Variants in CEP104 observed in about 807,000 individuals in gnomAD.
CEP104 encodes centrosomal protein of 104 kDa.
Under a neutral mutation model 113.3 loss-of-function variants are expected in CEP104, and 84 were observed. The observed-to-expected ratio is 0.74, with a 90% CI of 0.62 to 0.89. The LOEUF is 0.89. CEP104 is among the 40% of genes least tolerant of loss of function. CEP104 has a pLI of 0.00. For missense variants in CEP104, 1,053 were observed against 1,156.6 expected (o/e 0.91, Z 1.30); for synonymous variants, 378 against 421.7 (o/e 0.90, Z 1.27).
At chr1:3,848,091 A>G (rs1349832847) in intron 3 of CEP104, among the ~76,000 whole-genome samples, 1 of 152,106 alleles carries the variant, frequency 6.6e-6, no homozygotes, top group Non-Finnish European at 1.5e-5. Flanking sequence ...CACATCTGAA[A>G]AGTAGAGTTG....
intron 2 of CEP104, among the ~76,000 whole-genome samples, chr1:3,849,831 A>AC (rs1184141474): frequency 7.1e-6 from 1 of 140,874 alleles, no homozygotes; most frequent in Non-Finnish European, 1.6e-5. Context: ...AAAAATCTTT[A>AC]TTAAAAAAAA....
chr1:3,817,729 A>T (rs924378122), intron 20 of CEP104, among the ~76,000 whole-genome samples: 1 of 152,096 alleles, frequency 6.6e-6, no homozygotes, highest in African/African-American at 2.4e-5. Flanking sequence ...CCCAGCACAG[A>T]GGTGGCAGGT....
intron 15 of CEP104, among the ~76,000 whole-genome samples, chr1:3,828,076 A>G (rs1473775815): frequency 1.3e-5 from 2 of 151,968 alleles, no homozygotes; most frequent in Admixed American, 6.6e-5. Context: ...CAGGATGGAC[A>G]GTGCTGGGAA....
At chr1:3,830,090 T>A in intron 13 of CEP104, 93 bp from the exon 14 acceptor site, 1 of 916,474 alleles carries the variant, frequency 1.1e-6, no homozygotes, top group Non-Finnish European at 1.7e-6. Context: ...ATGTGAAAAA[T>A]AAAAGAGAAA....
At chr1:3,835,130 A>C (rs1249870405) in intron 10 of CEP104, 38 bp from the exon 11 acceptor site, 1 of 1,586,950 alleles carries the variant, frequency 6.3e-7, no homozygotes, top group Non-Finnish European at 8.6e-7. Context: ...GCATCACACA[A>C]CCATCCTCCA....
chr1:3,845,274 A>G lies in CEP104; in HGVS notation c.489+15T>C, dbSNP rs773758378. On this transcript the variant is annotated intron_variant, in intron 5 of 21. Transcript: ENST00000378230. ...TAGATTTACTTCCTTAGGAATTAAA[A>G]CTTTCCAAACTTACAGTATTGCTTT... The G allele has an allele frequency of 6.4e-6, 10 of 1,563,246 alleles. No homozygotes were observed. Among genetic ancestry groups the G allele is most frequent in the Non-Finnish European group, 8.7e-6 (10 of 1,143,776 alleles).
chr1:3,843,135 C>T, intron 6 of CEP104: 1 of 653,562 alleles, frequency 1.5e-6, no homozygotes, highest in Non-Finnish European at 2.8e-6. Context: ...GCAACTATGG[C>T]AGCCCTTCCC....
At chr1:3,834,809 G>C in intron 11 of CEP104, 116 bp downstream of exon 11, 2 of 871,054 alleles carry the variant, frequency 2.3e-6, no homozygotes, top group East Asian at 2.7e-5. Flanking sequence ...TTGAGTTACA[G>C]TTGGTGACCA....
chr1:3,823,238 G>T lies in CEP104; in HGVS notation c.2507C>A (p.Ala836Asp). 6.2e-7 allele frequency: 1 copy of T among 1,614,136 alleles called. No individual in the cohort carries two copies. Among genetic ancestry groups the T allele is most frequent in the Non-Finnish European group, 8.5e-7 (1 of 1,179,988 alleles). The change falls in exon 20 of 22, where the codon GCC (alanine) becomes GAC (aspartate). Residue 836 changes from alanine to aspartate, a missense_variant. By Grantham distance (126) the Ala-to-Asp change is moderately radical. Coordinates refer to ENST00000378230, the MANE Select transcript of CEP104 (RefSeq NM_014704.4). This position sits in a 1 kb window ranked among gnomAD's most constrained non-coding sequence, Gnocchi z 4.1. Reference protein sequence around the residue: ...RHIKHKDCNPAKPEKLANRCP... With the variant: ...RHIKHKDCNPDKPEKLANRCP... ...CCGGTTTGCCAGCTTCTCCGGTTTG[G>T]CAGCTGAAATGATTTTAAAAAGACT...
At chr1:3,834,302 C>G (rs944024660) in intron 11 of CEP104, among the ~76,000 whole-genome samples, 1 of 151,444 alleles carries the variant, frequency 6.6e-6, no homozygotes, top group Non-Finnish European at 1.5e-5. Context: ...ATGGGTAAGC[C>G]CAAATCTTCC....
At chr1:3,826,217 C>T (rs936937708) in intron 17 of CEP104, among the ~76,000 whole-genome samples, 153 bp downstream of exon 17, 2 of 152,214 alleles carry the variant, frequency 1.3e-5, no homozygotes, top group African/African-American at 2.4e-5. Flanking sequence ...TTGACTGACT[C>T]GGAGTGGATG....
chr1:3,841,854 A>C (rs1439413064), intron 6 of CEP104, among the ~76,000 whole-genome samples: 2 of 152,238 alleles, frequency 1.3e-5, no homozygotes, highest in Non-Finnish European at 2.9e-5. Context: ...GAGAAACTAA[A>C]GACTTAATCA....
At chr1:3,839,498 C>G in intron 7 of CEP104, 110 bp downstream of exon 7, 1 of 1,029,116 alleles carries the variant, frequency 9.7e-7, no homozygotes, top group Non-Finnish European at 1.4e-6. Flanking sequence ...TGAACTCACA[C>G]TAACTTCACG....
intron 15 of CEP104, among the ~76,000 whole-genome samples, chr1:3,827,924 G>A (rs1557666962): frequency 6.6e-6 from 1 of 152,224 alleles, no homozygotes; most frequent in Non-Finnish European, 1.5e-5. Flanking sequence ...ATGGCGCCTG[G>A]CACGGAGAGG....
In CEP104 at chr1:3,856,392, G is replaced by A. The variant is rs576815778; in HGVS notation, c.-15+497C>T. On this transcript the variant is annotated intron_variant, in intron 1 of 21. Coordinates refer to ENST00000378230, the MANE Select transcript of CEP104 (RefSeq NM_014704.4). ...GCGAGACCGTCTCAAAGGCTTATGG[G>A]TTTCTGATCAAGTCATCTTAGCGAC... is the stretch of plus-strand genomic sequence containing the variant. Among the ~76,000 whole-genome samples the A allele has an allele frequency of 8.5e-5, 13 of 152,310 alleles. No homozygotes were observed. The South Asian group carries it at 2.5e-3, about 29-fold the overall frequency.
At chr1:3,845,418 CTTATT>C (rs1197469171) in intron 4 of CEP104, 67 bp from the exon 5 acceptor site, 5 of 1,229,450 alleles carry the variant, frequency 4.1e-6, no homozygotes, top group African/African-American at 3.0e-5. Context: ...CTTTTATTTA[CTTATT>C]TTGAGACAGG....
At chr1:3,830,409 C>T (rs72640912) in intron 13 of CEP104, among the ~76,000 whole-genome samples, 316 of 152,288 alleles carry the variant, frequency 2.1e-3, no homozygotes, top group Non-Finnish European at 4.0e-3. Context: ...CTAAACACTT[C>T]TGGTCTTAAG....
At chr1:3,843,454 C>A in intron 6 of CEP104, 1 of 449,040 alleles carries the variant, frequency 2.2e-6, no homozygotes, top group Non-Finnish European at 3.9e-6. Context: ...TCGGCTCAAG[C>A]GATCTTCCTG....
rs904861946 is a variant in CEP104, at chr1:3,856,962, C to T, written c.-88G>A. 3 of 151,968 alleles carry T rather than the reference C, an allele frequency of 2.0e-5. No homozygotes were observed. The highest frequency in any genetic ancestry group is 7.2e-5 in the African/African-American group (3 of 41,396). The allele number at this position is 151,968 out of a possible 1,614,324, so 9.4% of individuals were successfully genotyped here. On this transcript the variant is annotated 5_prime_UTR_variant, in exon 1 of 22. Transcript: ENST00000378230. ...GAGGGCGGCTGGGTCGGAGCGGTGC[C>T]GCGGCCCGGGGAGGCGGCCAGGCGG...
Sources: gnomAD v4.1 joint callset for allele counts (sites outside exome capture counted in the v4.1 genomes callset) on GRCh38, gnomAD v4.1.1 for gene constraint, Gnocchi (gnomAD v3.1) non-coding constraint, MANE v1.5 for transcripts, NCBI Gene and HGNC (gene_info 2026-07-23, HGNC 2026-07-21) for gene names.